Variants in STON2 observed in about 807,000 individuals in gnomAD.
STON2 encodes the protein stonin-2.
A neutral mutation model predicts 65.7 loss-of-function variants in STON2; 29 were observed. That is an observed-to-expected ratio of 0.44 (90% confidence interval 0.33 to 0.60). The LOEUF is 0.60. Ranked by LOEUF, STON2 falls within the 20% of genes least tolerant of loss-of-function variation. The pLI, the probability that STON2 is intolerant of heterozygous loss-of-function variation, is 0.03. For missense variants in STON2, 1,054 were observed against 1,118.1 expected, an observed-to-expected ratio of 0.94 and a Z score of 0.82; for synonymous variants, 404 against 414.2, an observed-to-expected ratio of 0.98 and a Z score of 0.30.
At chr14:81,424,560 A>T in intron 2 of STON2, among the ~76,000 whole-genome samples, 1 of 151,764 alleles carries the variant, frequency 6.6e-6, no homozygotes, top group East Asian at 1.9e-4. Flanking sequence ...CTACAATGAT[A>T]TGATTTTTAA....
intron 2 of STON2, among the ~76,000 whole-genome samples, chr14:81,416,527 C>A (rs1901442531): frequency 6.6e-6 from 1 of 152,188 alleles, no homozygotes; most frequent in African/African-American, 2.4e-5. Context: ...AACTTCAGGG[C>A]CCATTCCCAT....
chr14:81,298,414 TG>T (rs750361025), intron 5 of STON2, among the ~76,000 whole-genome samples: 5 of 111,894 alleles, frequency 4.5e-5, no homozygotes, highest in Non-Finnish European at 7.3e-5. Flanking sequence ...CTGCTTCAGA[TG>T]GGGGGGGGGA....
chr14:81,275,358 A>C (rs1281850473), intron 6 of STON2, among the ~76,000 whole-genome samples: 1 of 152,122 alleles, frequency 6.6e-6, no homozygotes, highest in Non-Finnish European at 1.5e-5. Flanking sequence ...CTCTCTAGAT[A>C]CGTCACATCA....
chr14:81,436,277 G>A (rs1220934000), intron 1 of STON2: 1 of 151,562 alleles, frequency 6.6e-6, no homozygotes, highest in Non-Finnish European at 1.5e-5. Context: ...GGCCCCTCTT[G>A]GGGGGCGCGC....
At chr14:81,347,902 CA>C (rs755109204) in intron 4 of STON2, among the ~76,000 whole-genome samples, 6,552 of 51,324 alleles carry the variant, frequency 0.13, 58 homozygotes, top group East Asian at 0.25. Flanking sequence ...TGTCTCTTAC[CA>C]AAAAAAAAAA....
At position 81,287,237 on chromosome 14, in the gene STON2, C is replaced by T. The variant is rs111683205; in HGVS notation, c.743-8498G>A. Reference sequence around the variant, plus strand: ...CAAAATACTATGATAAAAAGAGGAGCCGGAGGATAAGTCTACGCTGGGACC... The same window carrying T: ...CAAAATACTATGATAAAAAGAGGAGTCGGAGGATAAGTCTACGCTGGGACC... On this transcript the variant is annotated intron_variant, in intron 5 of 7. Transcript: ENST00000614646. Among the ~76,000 whole-genome samples the T allele has an allele frequency of 9.5e-4, 145 of 152,160 alleles. 3 individuals carry two copies. Among genetic ancestry groups the T allele is most frequent in the African/African-American group, 3.1e-3 (127 of 41,502 alleles).
chr14:81,303,456 A>T (rs1896049748), intron 5 of STON2, among the ~76,000 whole-genome samples: 1 of 152,212 alleles, frequency 6.6e-6, no homozygotes, highest in African/African-American at 2.4e-5. Context: ...AGTGGCCCTG[A>T]CAGGCAGAAG....
upstream of STON2, among the ~76,000 whole-genome samples, chr14:81,403,370 T>C (rs1033029153): frequency 6.6e-6 from 1 of 152,198 alleles, no homozygotes; most frequent in African/African-American, 2.4e-5. Context: ...AAAACCTTTA[T>C]AATATGCATG....
Position 81,264,346 on chromosome 14 carries a change from T to A in STON2, c.*4068A>T, listed in dbSNP as rs1225146054. The A allele has an allele frequency of 2.0e-6, 2 of 985,372 alleles. No homozygotes were observed. Among genetic ancestry groups the A allele is most frequent in the African/African-American group, 1.7e-5 (1 of 57,260 alleles). The allele number at this position is 985,372 out of a possible 1,614,324, so 61.0% of individuals were successfully genotyped here. A position where few individuals can be genotyped will look rare whatever the true frequency, so the allele number is the denominator to read the frequency against. On this transcript the variant is annotated 3_prime_UTR_variant, in exon 8 of 8. Coordinates refer to ENST00000614646, the MANE Select transcript of STON2 (RefSeq NM_001394390.1). ...AATAAAAGCATGCTTGCTGGCTTTA[T>A]TATGAGTATTTGATGATAAGTAAGG...
At chr14:81,431,190 A>G (rs1185305024) in intron 1 of STON2, among the ~76,000 whole-genome samples, 1 of 152,230 alleles carries the variant, frequency 6.6e-6, no homozygotes, top group Non-Finnish European at 1.5e-5. Context: ...GAAGGTACAC[A>G]GAATCCTGGG....
In STON2 at chr14:81,388,377, A is replaced by C. The variant is rs145653363; in HGVS notation, c.373+7517T>G. On this transcript the variant is annotated intron_variant, in intron 3 of 7. Transcript: ENST00000614646. Reference sequence around the variant, plus strand: ...GAGAAAGTTGTTGCCTTGATGATTTAAGCATTTCTGGAGTTGTTTTTCCTA... The same window carrying C: ...GAGAAAGTTGTTGCCTTGATGATTTCAGCATTTCTGGAGTTGTTTTTCCTA... Among the ~76,000 whole-genome samples, 192 of 152,332 alleles carry C rather than the reference A, an allele frequency of 1.3e-3. 1 individual carries two copies. Among genetic ancestry groups the C allele is most frequent in the Non-Finnish European group, 2.3e-3 (156 of 68,038 alleles).
intron 1 of STON2, among the ~76,000 whole-genome samples, chr14:81,432,550 C>T (rs1470301144): frequency 6.6e-6 from 1 of 152,130 alleles, no homozygotes; most frequent in African/African-American, 2.4e-5. Flanking sequence ...GAAATTATAG[C>T]TGGAATGACA....
Position 81,278,742 on chromosome 14 carries a change from A to G in STON2, c.743-3T>C. ...TTCTTGAAGCGAGGAGGAATTGTCT[A>G]AAAGGAAAAGGAGAACATATGAGCT... On this transcript the variant is annotated splice_region_variant and splice_polypyrimidine_tract_variant and intron_variant, in intron 5 of 7. Transcript: ENST00000614646. 6.6e-7 allele frequency: 1 copy of G among 1,510,878 alleles called. No individual in the cohort carries two copies. The highest frequency in any genetic ancestry group is 1.4e-5 in the African/African-American group (1 of 71,712). The allele number at this position is 1,510,878 out of a possible 1,614,324, so 93.6% of individuals were successfully genotyped here.
Position 81,267,199 on chromosome 14 carries a change from TTAA to T in STON2, c.*1212_*1214del. ...TAGGAACGGATGAAGGAAAAGAAGATTAATTGTCCCAGAAACAGATGAAGAAAA... is the reference window on the plus strand; with the variant it reads ...TAGGAACGGATGAAGGAAAAGAAGATTTGTCCCAGAAACAGATGAAGAAAA... On this transcript the variant is annotated 3_prime_UTR_variant, in exon 8 of 8. Coordinates refer to ENST00000614646, the MANE Select transcript of STON2 (RefSeq NM_001394390.1). The T allele has an allele frequency of 2.0e-6, 2 of 985,344 alleles. No homozygotes were observed. Among genetic ancestry groups the T allele is most frequent in the South Asian group, 9.4e-5 (2 of 21,278 alleles). The allele number at this position is 985,344 out of a possible 1,614,324, so 61.0% of individuals were successfully genotyped here.
At chr14:81,382,028 G>A (rs1899545489) in intron 3 of STON2, among the ~76,000 whole-genome samples, 1 of 152,012 alleles carries the variant, frequency 6.6e-6, no homozygotes, top group South Asian at 2.1e-4. Flanking sequence ...GACCAGCCTG[G>A]CCAACACAGT....
rs1021964746 is a variant in STON2 at position 81,262,114 on chromosome 14, GGACTT to G, written c.*6295_*6299del. 1.0e-6 allele frequency: 1 copy of G among 985,242 alleles called. No homozygotes were observed. The highest frequency in any genetic ancestry group is 1.7e-5 in the African/African-American group (1 of 57,216). 61.0% of individuals were successfully genotyped at this position (985,242 alleles called of 1,614,324 possible). A position where few individuals can be genotyped will look rare whatever the true frequency, so the allele number is the denominator to read the frequency against. On this transcript the variant is annotated 3_prime_UTR_variant, in exon 8 of 8. Coordinates refer to ENST00000614646, the MANE Select transcript of STON2 (RefSeq NM_001394390.1). ...TAACCCACAACTTTAGAGCTGGAAA[GGACTT>G]GAAGAAACAATTAATCCAACTTCCT... is the stretch of plus-strand genomic sequence containing the variant.
chr14:81,273,923 A>G (rs554208843), intron 6 of STON2, among the ~76,000 whole-genome samples: 8 of 152,338 alleles, frequency 5.3e-5, no homozygotes, highest in East Asian at 1.9e-4. Flanking sequence ...GTTAAGGATT[A>G]CAAAAAATAA....
chr14:81,399,897 A>G lies in STON2; in HGVS notation c.-199+382T>C, dbSNP rs183243163. ...TTTCTTCATAATAAGATCTCACCCA[A>G]AGAATAATCAAGTAAAAGCCATAAC... On this transcript the variant is annotated intron_variant, in intron 1 of 7. Coordinates refer to ENST00000614646, the MANE Select transcript of STON2 (RefSeq NM_001394390.1). Among the ~76,000 whole-genome samples, 715 of 152,226 alleles carry G rather than the reference A, an allele frequency of 4.7e-3. 4 individuals are homozygous for G. The highest frequency in any genetic ancestry group is 8.2e-3 in the Non-Finnish European group (560 of 68,006).
intron 5 of STON2, among the ~76,000 whole-genome samples, chr14:81,299,649 G>A (rs2140179244): frequency 6.6e-6 from 1 of 152,222 alleles, no homozygotes; most frequent in Admixed American, 6.5e-5. Context: ...AGGATACAAA[G>A]TCATTCTTTA....
Sources: allele counts gnomAD v4.1 joint callset (sites outside exome capture counted in the v4.1 genomes callset), GRCh38; gene constraint gnomAD v4.1.1; transcripts MANE v1.5; gene names NCBI Gene and HGNC (gene_info 2026-07-23, HGNC 2026-07-21).